CSMD1: variants seen among roughly 807,000 people sequenced by gnomAD.
CSMD1 encodes CUB and Sushi multiple domains 1, also known as CUB and sushi domain-containing protein 1.
Under a neutral mutation model 417.5 loss-of-function variants are expected in CSMD1, and 213 were observed. The ratio of observed to expected loss-of-function variants is 0.51; its 90% CI spans 0.46 to 0.57. The LOEUF (loss-of-function observed/expected upper bound fraction) is 0.57, where lower values mean the gene tolerates loss of function less well. Ranked by LOEUF, CSMD1 falls within the 20% of genes least tolerant of loss-of-function variation. The pLI is 0.00. For missense variants in CSMD1, 6,923 were observed against 4,529.7 expected (o/e 1.53, Z -15.17); for synonymous variants, 2,862 against 1,736.8 (o/e 1.65, Z -16.11).
chr8:4,772,405 C>G (rs1270856074), intron 1 of CSMD1, among the ~76,000 whole-genome samples: 3 of 152,168 alleles, frequency 2.0e-5, no homozygotes, highest in Non-Finnish European at 4.4e-5. Context: ...TGGGTCCACC[C>G]TGATAATCCA....
At chr8:4,502,780 C>G (rs1802323897) in intron 2 of CSMD1, among the ~76,000 whole-genome samples, 2 of 152,154 alleles carry the variant, frequency 1.3e-5, no homozygotes, top group African/African-American at 4.8e-5. Context: ...TCCACAAGAG[C>G]ATGACCAATC....
At chr8:4,200,434 A>T (rs1799579606) in intron 3 of CSMD1, among the ~76,000 whole-genome samples, 1 of 152,232 alleles carries the variant, frequency 6.6e-6, no homozygotes, top group African/African-American at 2.4e-5. Flanking sequence ...ATAACCCCAC[A>T]GCCGTCTACT....
At chr8:4,435,726 G>A (rs1585070617) in intron 2 of CSMD1, among the ~76,000 whole-genome samples, 2 of 152,224 alleles carry the variant, frequency 1.3e-5, no homozygotes, top group East Asian at 1.9e-4. Flanking sequence ...TGGCTGCCTT[G>A]AGATCTGTCT....
At chr8:3,176,547 A>G (rs536719196) in intron 37 of CSMD1, among the ~76,000 whole-genome samples, 27 of 152,298 alleles carry the variant, frequency 1.8e-4, no homozygotes, top group South Asian at 4.1e-4. Flanking sequence ...TAATTTTAAA[A>G]CCTACTAGAG....
At chr8:3,580,101 C>T (rs1800318914) in intron 9 of CSMD1, among the ~76,000 whole-genome samples, 1 of 150,896 alleles carries the variant, frequency 6.6e-6, no homozygotes, top group Admixed American at 6.6e-5. Context: ...GAGACTCTGT[C>T]TCAAAAAGAA....
Position 4,002,075 on chromosome 8 carries a change from C to A in CSMD1, c.611-3965G>T, listed in dbSNP as rs1259297229. ...TATAGTAGAAGATTATTAAGATAGT[C>A]TGATTGATTAATTGAATATTACACA... On this transcript the variant is annotated intron_variant, in intron 4 of 69. Transcript: ENST00000635120. Among the ~76,000 whole-genome samples the A allele has an allele frequency of 3.9e-5, 6 of 152,080 alleles. No individual in the cohort carries two copies. The East Asian group carries it at 1.2e-3, about 29-fold the overall frequency.
At chr8:4,020,407 C>G (rs996063746) in intron 4 of CSMD1, among the ~76,000 whole-genome samples, 1 of 152,194 alleles carries the variant, frequency 6.6e-6, no homozygotes, top group Non-Finnish European at 1.5e-5. Context: ...AGCATGACAT[C>G]TGTTCAAAAT....
At chr8:3,554,617 C>T (rs950145746) in intron 10 of CSMD1, among the ~76,000 whole-genome samples, 1 of 152,228 alleles carries the variant, frequency 6.6e-6, no homozygotes, top group African/African-American at 2.4e-5. Flanking sequence ...CAAAGAGGAT[C>T]TGAGCAGGTG....
rs6990767 is a variant in CSMD1, at chr8:3,367,260, G to C, written c.2900-13C>G. ...ATCATTTGAACTCCTGAGAAATGAAGCCGGGGGAGAGAGAGAGAGACAGAG... is the reference window on the plus strand; with the variant it reads ...ATCATTTGAACTCCTGAGAAATGAACCCGGGGGAGAGAGAGAGAGACAGAG... On this transcript the variant is annotated splice_polypyrimidine_tract_variant and intron_variant, in intron 19 of 69. Transcript: ENST00000635120. 131 of 1,586,088 alleles carry C rather than the reference G, an allele frequency of 8.3e-5. 3 individuals carry two copies. In the South Asian group the frequency reaches 1.3e-3, roughly 16 times the overall value.
chr8:3,301,159 G>A (rs1443819410), intron 25 of CSMD1, among the ~76,000 whole-genome samples: 1 of 151,584 alleles, frequency 6.6e-6, no homozygotes, highest in Admixed American at 6.6e-5. Context: ...AATCTATATA[G>A]ACATTAGTTT....
At chr8:4,003,035 A>T (rs1815816387) in intron 4 of CSMD1, among the ~76,000 whole-genome samples, 1 of 151,480 alleles carries the variant, frequency 6.6e-6, no homozygotes, top group African/African-American at 2.4e-5. Context: ...ACAACACAAT[A>T]AAAAAATATT....
At position 4,185,594 on chromosome 8, in the gene CSMD1, A is replaced by T. The variant is rs539384963; in HGVS notation, c.416-153495T>A. 2.4e-3 allele frequency among the ~76,000 whole-genome samples: 372 copies of T among 152,330 alleles called. 3 individuals are homozygous for T. Among genetic ancestry groups the T allele is most frequent in the Middle Eastern group, 0.024 (7 of 294 alleles). ...TCAAAAGTATCCTACCTATCTAGTAAATGTGCTGATTTATGAAATTGCACG... is the reference window on the plus strand; with the variant it reads ...TCAAAAGTATCCTACCTATCTAGTATATGTGCTGATTTATGAAATTGCACG... On this transcript the variant is annotated intron_variant, in intron 3 of 69. Coordinates refer to ENST00000635120, the MANE Select transcript of CSMD1 (RefSeq NM_033225.6).
At chr8:3,172,867 G>A (rs1053082521) in intron 37 of CSMD1, among the ~76,000 whole-genome samples, 6 of 152,166 alleles carry the variant, frequency 3.9e-5, no homozygotes, top group South Asian at 4.1e-4. Context: ...AGTGAGAAGC[G>A]GCAATATTTA....
intron 5 of CSMD1, among the ~76,000 whole-genome samples, chr8:3,906,359 A>C (rs906187796): frequency 5.3e-5 from 8 of 152,190 alleles, no homozygotes; most frequent in African/African-American, 1.9e-4. Flanking sequence ...TACCTGAGTC[A>C]CCTATAGTAT....
At chr8:4,515,799 G>A (rs1027534458) in intron 2 of CSMD1, among the ~76,000 whole-genome samples, 1 of 152,176 alleles carries the variant, frequency 6.6e-6, no homozygotes, top group African/African-American at 2.4e-5. Context: ...CGGCCTGTGT[G>A]CACTGATGCC....
At chr8:4,459,987 A>G (rs1185482488) in intron 2 of CSMD1, among the ~76,000 whole-genome samples, 2 of 152,210 alleles carry the variant, frequency 1.3e-5, no homozygotes, top group African/African-American at 4.8e-5. Flanking sequence ...CCATCAGACT[A>G]GACAACCAAA....
At chr8:4,715,828 C>CA (rs1318147073) in intron 1 of CSMD1, among the ~76,000 whole-genome samples, 2 of 152,190 alleles carry the variant, frequency 1.3e-5, no homozygotes, top group African/African-American at 2.4e-5. Context: ...CCCTCTGGAC[C>CA]AAACCAAAGT....
At chr8:4,208,668 T>G (rs1053895431) in intron 3 of CSMD1, among the ~76,000 whole-genome samples, 3 of 152,084 alleles carry the variant, frequency 2.0e-5, no homozygotes, top group Middle Eastern at 3.2e-3. Context: ...AAACCAATTA[T>G]GCAAAACATC....
intron 1 of CSMD1, among the ~76,000 whole-genome samples, chr8:4,652,841 G>A (rs767637079): frequency 1.3e-5 from 2 of 152,102 alleles, no homozygotes; most frequent in African/African-American, 4.8e-5. Flanking sequence ...GCACAAACTA[G>A]ATCCCTTGCG....
Sources: gnomAD v4.1 joint callset for allele counts (sites outside exome capture counted in the v4.1 genomes callset) on GRCh38, gnomAD v4.1.1 for gene constraint, MANE v1.5 for transcripts, NCBI Gene and HGNC (gene_info 2026-07-23, HGNC 2026-07-21) for gene names.